The following SYT17 variants were observed in gnomAD, a reference collection of about 807,000 sequenced individuals.
The protein encoded by SYT17 is synaptotagmin 17.
SYT17 carries 22 observed loss-of-function variants against 46.7 expected under a neutral mutation model. That is an observed-to-expected ratio of 0.47 (90% confidence interval 0.34 to 0.67). The LOEUF (loss-of-function observed/expected upper bound fraction) is 0.67. Among genes scored for constraint, SYT17 ranks in the 30% least tolerant of loss-of-function variants. The probability of loss-of-function intolerance (pLI) is 0.01; values close to 1 mark genes in which losing one functional copy is unlikely to be tolerated. For missense variants in SYT17, 519 were observed against 612.8 expected, an observed-to-expected ratio of 0.85 and a Z score of 1.62; for synonymous variants, 251 against 248.4, an observed-to-expected ratio of 1.01 and a Z score of -0.10.
intron 5 of SYT17, among the ~76,000 whole-genome samples, chr16:19,211,775 G>A (rs577672598): frequency 9.8e-4 from 149 of 152,094 alleles, no homozygotes; most frequent in African/African-American, 3.3e-3. Context: ...ACAGGCGCCC[G>A]CCACCAAGCC....
intron 5 of SYT17, among the ~76,000 whole-genome samples, chr16:19,222,306 T>A (rs1038118372): frequency 6.6e-6 from 1 of 151,824 alleles, no homozygotes; most frequent in African/African-American, 2.4e-5. Context: ...CTTTTTTTTT[T>A]AAAAGGGGAC....
At chr16:19,227,662 G>A (rs1966545112) in intron 7 of SYT17, among the ~76,000 whole-genome samples, 1 of 152,114 alleles carries the variant, frequency 6.6e-6, no homozygotes, top group Non-Finnish European at 1.5e-5. Flanking sequence ...CCTTCTCCCT[G>A]AAGTCATGCC....
intron 1 of SYT17, 126 bp from the exon 2 acceptor site, chr16:19,172,634 G>T: frequency 6.7e-7 from 1 of 1,483,416 alleles, no homozygotes; most frequent in Non-Finnish European, 8.9e-7. Flanking sequence ...AATATGCAGG[G>T]CTTTTTTTTT....
intron 7 of SYT17, among the ~76,000 whole-genome samples, chr16:19,250,230 C>T (rs1967944600): frequency 6.6e-6 from 1 of 152,136 alleles, no homozygotes; most frequent in Non-Finnish European, 1.5e-5. Flanking sequence ...TGCTTTATCA[C>T]ACATCTATCC....
chr16:19,182,620 G>C lies in SYT17; in HGVS notation c.332-908G>C, dbSNP rs115171171. On this transcript the variant is annotated intron_variant, in intron 4 of 7. Transcript: ENST00000355377. ...CTCCATTTAGCATACATCTATCAGAGTACCTCCCATGCCTCTGGCAAATGT... is the reference window on the plus strand; with the variant it reads ...CTCCATTTAGCATACATCTATCAGACTACCTCCCATGCCTCTGGCAAATGT... Among the ~76,000 whole-genome samples, 388 of 152,282 alleles carry C rather than the reference G, an allele frequency of 2.5e-3. 1 individual carries two copies. The highest frequency in any genetic ancestry group is 8.5e-3 in the African/African-American group (353 of 41,568).
chr16:19,193,808 TC>T (rs1194608232), intron 5 of SYT17, among the ~76,000 whole-genome samples: 1 of 152,182 alleles, frequency 6.6e-6, no homozygotes, highest in Non-Finnish European at 1.5e-5. Flanking sequence ...TTCACCGAGT[TC>T]CCATGTGGCA....
rs1028225517 is a variant in SYT17, at chr16:19,201,390, G to A, written c.951+17243G>A. Among the ~76,000 whole-genome samples the A allele has an allele frequency of 9.2e-5, 14 of 152,026 alleles. 1 individual carries two copies. The highest frequency in any genetic ancestry group is 3.9e-4 in the Admixed American group (6 of 15,254). ...TAAATTCAGGGACTCAAACCTTGTC[G>A]TCAGATAGACTCTTACACAGTAGGT... On this transcript the variant is annotated intron_variant, in intron 5 of 7. Coordinates refer to ENST00000355377, the MANE Select transcript of SYT17 (RefSeq NM_016524.4).
intron 7 of SYT17, among the ~76,000 whole-genome samples, chr16:19,264,644 A>G (rs1266096058): frequency 6.7e-6 from 1 of 149,504 alleles, no homozygotes; most frequent in Non-Finnish European, 1.5e-5. Flanking sequence ...CCCAGGCTAG[A>G]GCCAGTGCAG....
At chr16:19,189,606 G>T (rs939966674) in intron 5 of SYT17, among the ~76,000 whole-genome samples, 2 of 152,100 alleles carry the variant, frequency 1.3e-5, no homozygotes, top group Admixed American at 1.3e-4. Context: ...TGCCTTGGGG[G>T]CCTCAAGTGC....
At position 19,247,125 on chromosome 16, in the gene SYT17, C is replaced by T. The variant is rs796292764; in HGVS notation, c.1229-19755C>T. ...GCCAGAGGGAACAGCAACACAAAGG[C>T]GCTGGCAGGAGAAACAGCAAAGAGA... On this transcript the variant is annotated intron_variant, in intron 7 of 7. Coordinates refer to ENST00000355377, the MANE Select transcript of SYT17 (RefSeq NM_016524.4). Among the ~76,000 whole-genome samples, 9 of 152,174 alleles carry T rather than the reference C, an allele frequency of 5.9e-5. No individual in the cohort carries two copies. The South Asian group carries it at 1.7e-3, about 28-fold the overall frequency.
intron 7 of SYT17, 82 bp from the exon 8 acceptor site, chr16:19,266,798 C>T (rs1969391312): frequency 7.7e-7 from 1 of 1,301,050 alleles, no homozygotes; most frequent in South Asian, 1.5e-5. Context: ...GACTAATGGC[C>T]TCTTGTCTTC....
intron 3 of SYT17, among the ~76,000 whole-genome samples, chr16:19,175,052 C>T (rs1964259841): frequency 6.6e-6 from 1 of 151,632 alleles, no homozygotes; most frequent in South Asian, 2.1e-4. Context: ...TCGCTTGAGC[C>T]TAGGAGGTTG....
rs149728200 is a variant in SYT17, at chr16:19,215,969, G to A, written c.952-7076G>A. On this transcript the variant is annotated intron_variant, in intron 5 of 7. Coordinates refer to ENST00000355377, the MANE Select transcript of SYT17 (RefSeq NM_016524.4). The stretch of plus-strand genomic sequence containing the variant: ...CCTCTTTTTAAGACCATCAGATCTC[G>A]TGAGACTTATTCACTATCACGGGAA... Among the ~76,000 whole-genome samples the A allele has an allele frequency of 2.4e-4, 37 of 152,204 alleles. No homozygotes were observed. In the East Asian group the frequency reaches 2.9e-3, roughly 12 times the overall value.
intron 5 of SYT17, among the ~76,000 whole-genome samples, chr16:19,189,822 C>G (rs2142649053): frequency 6.6e-6 from 1 of 152,308 alleles, no homozygotes; most frequent in South Asian, 2.1e-4. Flanking sequence ...TGCTTAGTGT[C>G]TAGTTATACT....
intron 5 of SYT17, among the ~76,000 whole-genome samples, chr16:19,221,822 G>C (rs140972055): frequency 1.6e-3 from 237 of 152,294 alleles, no homozygotes; most frequent in African/African-American, 5.6e-3. Flanking sequence ...ATAGATAGAT[G>C]AGACAGTTAG....
chr16:19,168,568 T>A lies in SYT17; in HGVS notation c.-79T>A. On this transcript the variant is annotated 5_prime_UTR_variant, in exon 1 of 8. Coordinates refer to ENST00000355377, the MANE Select transcript of SYT17 (RefSeq NM_016524.4). This position sits in a 1 kb window ranked among gnomAD's most constrained non-coding sequence, Gnocchi z 6.9. ...TTTCTTCCTTTCCCCCTTTGCTTTCTTCCCCCTCCGCTGTTGGCGAGGGCA... is the reference window on the plus strand; with the variant it reads ...TTTCTTCCTTTCCCCCTTTGCTTTCATCCCCCTCCGCTGTTGGCGAGGGCA... 6.5e-7 allele frequency: 1 copy of A among 1,538,646 alleles called. No individual in the cohort carries two copies. Among genetic ancestry groups the A allele is most frequent in the Non-Finnish European group, 8.8e-7 (1 of 1,139,502 alleles).
At chr16:19,236,016 G>C (rs1966842799) in intron 7 of SYT17, among the ~76,000 whole-genome samples, 1 of 152,108 alleles carries the variant, frequency 6.6e-6, no homozygotes, top group Non-Finnish European at 1.5e-5. Context: ...AAGGAAAGAA[G>C]AAAAAACAGT....
chr16:19,232,165 G>A (rs916768), intron 7 of SYT17, among the ~76,000 whole-genome samples: 48,657 of 152,042 alleles, frequency 0.32, 8,424 homozygotes, highest in African/African-American at 0.46. Context: ...TGCCTGCTGC[G>A]GGAATTGACC....
intron 5 of SYT17, among the ~76,000 whole-genome samples, chr16:19,186,163 C>T (rs1207055412): frequency 6.6e-6 from 1 of 152,084 alleles, no homozygotes; most frequent in Admixed American, 6.5e-5. Context: ...CCTTTCAGTG[C>T]CTCTATGAAT....
Sources: allele counts gnomAD v4.1 joint callset (sites outside exome capture counted in the v4.1 genomes callset), GRCh38; gene constraint gnomAD v4.1.1; non-coding constraint Gnocchi (gnomAD v3.1); transcripts MANE v1.5; gene names NCBI Gene and HGNC (gene_info 2026-07-23, HGNC 2026-07-21).